Variants in DCLK1 observed in about 807,000 individuals in gnomAD.
DCLK1 encodes the protein serine/threonine-protein kinase DCLK1.
A neutral mutation model predicts 86.2 loss-of-function variants in DCLK1; 16 were observed. The ratio of observed to expected loss-of-function variants is 0.19; its 90% confidence interval spans 0.13 to 0.28. DCLK1 has a LOEUF of 0.28. DCLK1 is among the 10% of genes least tolerant of loss of function. DCLK1 has a pLI of 1.00. For synonymous variants in DCLK1, 369 were observed against 370.5 expected, an observed-to-expected ratio of 1.00 and a Z score of 0.05; for missense variants, 590 against 940.2, an observed-to-expected ratio of 0.63 and a Z score of 4.87.
chr13:36,065,052 T>C (rs184186352), intron 3 of DCLK1, among the ~76,000 whole-genome samples: 6 of 152,352 alleles, frequency 3.9e-5, no homozygotes, highest in Admixed American at 1.3e-4. Context: ...TATTTGAGAA[T>C]AGTTGAAGAA....
chr13:35,774,625 C>A lies in DCLK1; in HGVS notation c.2133G>T (p.Ala711=). 6.2e-7 allele frequency: 1 copy of A among 1,604,574 alleles called. No homozygotes were observed. The highest frequency in any genetic ancestry group is 1.1e-5 in the South Asian group (1 of 89,300). ...RNQDVRSRYK[A]QPAPPELNSE... Reference sequence around the variant, plus strand: ...AGTTGAGTTCGGGAGGAGCTGGCTGCGCCTTGTACCGGCTCCTCACATCCT... The same window carrying A: ...AGTTGAGTTCGGGAGGAGCTGGCTGAGCCTTGTACCGGCTCCTCACATCCT... Residue 711 remains alanine (A), a synonymous_variant, in exon 17 of 17, where the codon GCG becomes GCT. Transcript: ENST00000360631.
At chr13:35,880,182 G>T in intron 4 of DCLK1, among the ~76,000 whole-genome samples, 1 of 152,206 alleles carries the variant, frequency 6.6e-6, no homozygotes, top group Non-Finnish European at 1.5e-5. Flanking sequence ...AATGCTGAAG[G>T]TCTTCCAATA....
rs1244385960 is a variant in DCLK1 at position 35,982,411 on chromosome 13, A to AGG, written c.724-34955_724-34954insCC. Among the ~76,000 whole-genome samples the AGG allele has an allele frequency of 4.9e-3, 181 of 37,266 alleles. 11 individuals are homozygous for AGG. The East Asian group carries it at 0.11, about 23-fold the overall frequency. The allele number at this position is 37,266 out of a possible 152,430, so 24.4% of individuals were successfully genotyped here. ...AAAGAAAAGAAAAGAAAAGAAAGGGAGAGAGAGAGAGAGAGAGAGAGGGGG... is the reference window on the plus strand; with the variant it reads ...AAAGAAAAGAAAAGAAAAGAAAGGGAGGGAGAGAGAGAGAGAGAGAGAGGGGG... On this transcript the variant is annotated intron_variant, in intron 3 of 16. Coordinates refer to ENST00000360631, the MANE Select transcript of DCLK1 (RefSeq NM_001330071.2).
intron 4 of DCLK1, among the ~76,000 whole-genome samples, chr13:35,910,653 G>A (rs1009802112): frequency 6.6e-6 from 1 of 152,172 alleles, no homozygotes; most frequent in African/African-American, 2.4e-5. Flanking sequence ...GTGAAAACTA[G>A]CAGCATCCTG....
rs138084230 is a variant in DCLK1 at position 36,096,391 on chromosome 13, C to T, written c.723+15478G>A. Reference sequence around the variant, plus strand: ...ATCTTTTCTGGAATCCAAAGGCCAGCAGCATCTTAACACTGAAGTACAAAG... The same window carrying T: ...ATCTTTTCTGGAATCCAAAGGCCAGTAGCATCTTAACACTGAAGTACAAAG... On this transcript the variant is annotated intron_variant, in intron 3 of 16. Transcript: ENST00000360631. Among the ~76,000 whole-genome samples, 199 of 152,348 alleles carry T rather than the reference C, an allele frequency of 1.3e-3. 1 individual carries two copies. The highest frequency in any genetic ancestry group is 3.1e-4 in the Non-Finnish European group (21 of 68,024).
At chr13:35,860,537 C>T (rs1566572802) in intron 5 of DCLK1, among the ~76,000 whole-genome samples, 1 of 151,986 alleles carries the variant, frequency 6.6e-6, no homozygotes, top group Non-Finnish European at 1.5e-5. Flanking sequence ...GAAGGAGGGG[C>T]CCCAGGAACA....
At position 35,770,850 on chromosome 13, in the gene DCLK1, G is replaced by A. The variant is rs1401328936; in HGVS notation, c.*3685C>T. On this transcript the variant is annotated 3_prime_UTR_variant, in exon 17 of 17. Coordinates refer to ENST00000360631, the MANE Select transcript of DCLK1 (RefSeq NM_001330071.2). Reference sequence around the variant, plus strand: ...GTTGTTCTTTTCCTTGGAGAATGGGGAAGAAGTTGGAAAGAGAAGGAAGTA... The same window carrying A: ...GTTGTTCTTTTCCTTGGAGAATGGGAAAGAAGTTGGAAAGAGAAGGAAGTA... The A allele has an allele frequency of 6.6e-6, 1 of 152,164 alleles. No individual in the cohort carries two copies. Among genetic ancestry groups the A allele is most frequent in the East Asian group, 1.9e-4 (1 of 5,194 alleles). 9.4% of individuals were successfully genotyped at this position (152,164 alleles called of 1,614,324 possible).
chr13:35,803,249 A>T (rs1477755380), intron 15 of DCLK1, among the ~76,000 whole-genome samples: 1 of 152,110 alleles, frequency 6.6e-6, no homozygotes, highest in Non-Finnish European at 1.5e-5. Context: ...CTTATCTTGT[A>T]GGCTTGTTAT....
chr13:36,072,126 T>G (rs1046669285), intron 3 of DCLK1, among the ~76,000 whole-genome samples: 1 of 152,192 alleles, frequency 6.6e-6, no homozygotes, highest in Non-Finnish European at 1.5e-5. Flanking sequence ...TTTGTTTTCC[T>G]AAACTAGCTC....
At chr13:35,784,898 T>A (rs2086592005) in intron 16 of DCLK1, among the ~76,000 whole-genome samples, 1 of 152,108 alleles carries the variant, frequency 6.6e-6, no homozygotes, top group Admixed American at 6.5e-5. Flanking sequence ...CTCCCTGGCT[T>A]CCAGGGGAAC....
At chr13:35,850,840 T>C (rs911862370) in intron 6 of DCLK1, 28 of 1,443,496 alleles carry the variant, frequency 1.9e-5, no homozygotes, top group Non-Finnish European at 2.6e-5. Context: ...GTGGCTCTCG[T>C]GAGAGCAGCA....
intron 4 of DCLK1, among the ~76,000 whole-genome samples, chr13:35,942,551 G>A (rs774448679): frequency 1.3e-5 from 2 of 152,176 alleles, no homozygotes; most frequent in African/African-American, 4.8e-5. Context: ...TGTGAAACCT[G>A]TTCACTCTCA....
intron 4 of DCLK1, among the ~76,000 whole-genome samples, chr13:35,903,488 T>C (rs17183563): frequency 0.014 from 2,140 of 152,334 alleles, 34 homozygotes; most frequent in Non-Finnish European, 0.02. Flanking sequence ...ATCTACTTTA[T>C]AAATGTCTTG....
rs1013958653 is a variant in DCLK1 at position 36,095,170 on chromosome 13, TTTG to T, written c.723+16696_723+16698del. On this transcript the variant is annotated intron_variant, in intron 3 of 16. Transcript: ENST00000360631. ...TCTGATATCTCTCTATCTCTCTCTCTTTGTTTTTTTTTTTTGTTTTTTTTGTTT... is the reference window on the plus strand; with the variant it reads ...TCTGATATCTCTCTATCTCTCTCTCTTTTTTTTTTTTTGTTTTTTTTGTTT... Among the ~76,000 whole-genome samples the T allele has an allele frequency of 6.8e-4, 77 of 113,044 alleles. 1 individual carries two copies. The highest frequency in any genetic ancestry group is 2.9e-3 in the African/African-American group (72 of 24,498). 74.2% of individuals were successfully genotyped at this position (113,044 alleles called of 152,430 possible).
chr13:35,999,448 T>C (rs1420773464), intron 3 of DCLK1, among the ~76,000 whole-genome samples: 1 of 152,176 alleles, frequency 6.6e-6, no homozygotes, highest in Non-Finnish European at 1.5e-5. Flanking sequence ...GTCAATGGTA[T>C]GGGTGGCCTC....
At chr13:35,899,652 T>C (rs1458754905) in intron 4 of DCLK1, among the ~76,000 whole-genome samples, 1 of 152,196 alleles carries the variant, frequency 6.6e-6, no homozygotes, top group Non-Finnish European at 1.5e-5. Flanking sequence ...CTTGTGCACA[T>C]TTTTACTACA....
chr13:35,846,306 C>T, intron 6 of DCLK1: 2 of 985,206 alleles, frequency 2.0e-6, no homozygotes, highest in Non-Finnish European at 2.4e-6. Flanking sequence ...AACTCAATTC[C>T]TTGCTTACTG....
At chr13:36,099,003 T>C (rs1885107207) in intron 3 of DCLK1, among the ~76,000 whole-genome samples, 2 of 151,940 alleles carry the variant, frequency 1.3e-5, no homozygotes, top group Admixed American at 1.3e-4. Context: ...GTTTCGCTCT[T>C]GTTGCCCAGG....
At chr13:35,966,518 C>T (rs867992204) in intron 3 of DCLK1, among the ~76,000 whole-genome samples, 32 of 132,174 alleles carry the variant, frequency 2.4e-4, no homozygotes, top group South Asian at 2.2e-3. Flanking sequence ...CTCCCCCTCT[C>T]CCTCTCCCTC....
Sources: allele counts gnomAD v4.1 joint callset (sites outside exome capture counted in the v4.1 genomes callset), GRCh38; gene constraint gnomAD v4.1.1; transcripts MANE v1.5; gene names NCBI Gene and HGNC (gene_info 2026-07-23, HGNC 2026-07-21).